The following CNTN5 variants were observed in gnomAD, a reference collection of about 807,000 sequenced individuals.
CNTN5 encodes the protein contactin 5.
A neutral mutation model predicts 129.1 loss-of-function variants in CNTN5; 77 were observed. The ratio of observed to expected loss-of-function variants is 0.60; its 90% CI spans 0.50 to 0.72. CNTN5 has a LOEUF of 0.72. Among genes scored for constraint, CNTN5 ranks in the 30% least tolerant of loss-of-function variants. The pLI is 0.00. For synonymous variants in CNTN5, 509 were observed against 465.6 expected, an observed-to-expected ratio of 1.09 and a Z score of -1.20; for missense variants, 1,478 against 1,328.8, an observed-to-expected ratio of 1.11 and a Z score of -1.75.
intron 1 of CNTN5, among the ~76,000 whole-genome samples, chr11:99,245,840 T>C (rs1262631649): frequency 6.6e-6 from 1 of 152,186 alleles, no homozygotes; most frequent in Non-Finnish European, 1.5e-5. Flanking sequence ...TGTTTAGCAA[T>C]ATTCCAGACC....
At chr11:99,698,944 G>A (rs1445463379) in intron 3 of CNTN5, among the ~76,000 whole-genome samples, 1 of 149,984 alleles carries the variant, frequency 6.7e-6, no homozygotes, top group African/African-American at 2.4e-5. Context: ...ATTCTGAGGA[G>A]AGTTTCCAAA....
At chr11:99,787,985 A>G (rs1945597053) in intron 3 of CNTN5, among the ~76,000 whole-genome samples, 1 of 151,910 alleles carries the variant, frequency 6.6e-6, no homozygotes. Context: ...AATGGTGTGT[A>G]AATCATACAG....
In CNTN5 at chr11:99,965,114, C is replaced by G. The variant is rs192336767; in HGVS notation, c.877+8105C>G. Among the ~76,000 whole-genome samples the G allele has an allele frequency of 8.5e-5, 13 of 152,224 alleles. 1 individual carries two copies. The highest frequency in any genetic ancestry group is 6.5e-4 in the Admixed American group (10 of 15,284). On this transcript the variant is annotated intron_variant, in intron 8 of 24. Transcript: ENST00000524871. ...TGTTGATCTTTTCAAAAAACCAGCT[C>G]CTGGATTCATTGATTTTTTGAACGG... is the stretch of plus-strand genomic sequence containing the variant.
Position 100,357,085 on chromosome 11 carries a change from T to C in CNTN5, c.*865T>C, listed in dbSNP as rs1219998308. 1 of 151,792 alleles carries C rather than the reference T, an allele frequency of 6.6e-6. No homozygotes were observed. The highest frequency in any genetic ancestry group is 1.5e-5 in the Non-Finnish European group (1 of 67,798). The allele number at this position is 151,792 out of a possible 1,614,324, so 9.4% of individuals were successfully genotyped here. A position where few individuals can be genotyped will look rare whatever the true frequency, so the allele number is the denominator to read the frequency against. On this transcript the variant is annotated 3_prime_UTR_variant, in exon 25 of 25. Coordinates refer to ENST00000524871, the MANE Select transcript of CNTN5 (RefSeq NM_014361.4). ...ATGGGACAGAGCGTTTCCATTTCTTTACCTACTGCCAAAACAGATGTTGAA... is the reference window on the plus strand; with the variant it reads ...ATGGGACAGAGCGTTTCCATTTCTTCACCTACTGCCAAAACAGATGTTGAA...
chr11:99,377,193 G>A (rs776382592), intron 2 of CNTN5, among the ~76,000 whole-genome samples: 4 of 151,714 alleles, frequency 2.6e-5, no homozygotes. Flanking sequence ...ATTGTCCTTG[G>A]TAAAAAAGAA....
chr11:99,319,450 T>G (rs377624618), intron 1 of CNTN5, among the ~76,000 whole-genome samples: 2 of 152,186 alleles, frequency 1.3e-5, no homozygotes, highest in African/African-American at 4.8e-5. Flanking sequence ...CCTGTGATTC[T>G]ATAGCACCCG....
intron 2 of CNTN5, among the ~76,000 whole-genome samples, chr11:99,510,500 A>G (rs1946794857): frequency 6.6e-6 from 1 of 152,190 alleles, no homozygotes; most frequent in African/African-American, 2.4e-5. Flanking sequence ...TAGCAGTTCT[A>G]GTATGAGTTG....
intron 10 of CNTN5, among the ~76,000 whole-genome samples, chr11:100,069,307 C>T (rs1943812785): frequency 6.6e-6 from 1 of 152,016 alleles, no homozygotes; most frequent in Non-Finnish European, 1.5e-5. Context: ...CATGTGCCAC[C>T]ACACCTGAAT....
chr11:99,136,331 G>C lies in CNTN5; in HGVS notation c.-210+115061G>C, dbSNP rs7110408. Among the ~76,000 whole-genome samples, 455 of 152,190 alleles carry C rather than the reference G, an allele frequency of 3.0e-3. 2 individuals carry two copies. The highest frequency in any genetic ancestry group is 0.01 in the African/African-American group (432 of 41,518). On this transcript the variant is annotated intron_variant, in intron 1 of 24. Transcript: ENST00000524871. Reference sequence around the variant, plus strand: ...AGATCAATCGACAGAAACATAGCCAGGGTACTACTTTGCTTGAGAAATCTC... The same window carrying C: ...AGATCAATCGACAGAAACATAGCCACGGTACTACTTTGCTTGAGAAATCTC...
intron 1 of CNTN5, among the ~76,000 whole-genome samples, chr11:99,200,034 G>A (rs887783306): frequency 6.6e-6 from 1 of 152,052 alleles, no homozygotes; most frequent in Non-Finnish European, 1.5e-5. Context: ...GTTTCCTACT[G>A]TATTGCTTCC....
intron 2 of CNTN5, among the ~76,000 whole-genome samples, chr11:99,455,326 A>G (rs1944456937): frequency 6.6e-6 from 1 of 152,216 alleles, no homozygotes; most frequent in Admixed American, 6.5e-5. Flanking sequence ...ATATTGGGAT[A>G]ACCATTAACA....
At chr11:99,758,775 A>G (rs1364580258) in intron 3 of CNTN5, among the ~76,000 whole-genome samples, 5 of 152,078 alleles carry the variant, frequency 3.3e-5, no homozygotes, top group Admixed American at 3.3e-4. Context: ...AGGAAATAGT[A>G]TTTGTGAGAA....
chr11:99,198,788 G>A (rs1377244822), intron 1 of CNTN5, among the ~76,000 whole-genome samples: 1 of 152,010 alleles, frequency 6.6e-6, no homozygotes, highest in African/African-American at 2.4e-5. Context: ...TGTTTTGTTT[G>A]TTTGTTTTTT....
At position 99,468,244 on chromosome 11, in the gene CNTN5, C is replaced by T. The variant is rs533900242; in HGVS notation, c.-70-87901C>T. 5.3e-5 allele frequency among the ~76,000 whole-genome samples: 8 copies of T among 152,124 alleles called. No homozygotes were observed. The South Asian group carries it at 1.2e-3, about 24-fold the overall frequency. On this transcript the variant is annotated intron_variant, in intron 2 of 24. Transcript: ENST00000524871. Reference sequence around the variant, plus strand: ...CCCTTTCTAGTGTCTGATAAGTATACATGTCTCCATTCTGTGAGTACTTAG... The same window carrying T: ...CCCTTTCTAGTGTCTGATAAGTATATATGTCTCCATTCTGTGAGTACTTAG...
intron 3 of CNTN5, among the ~76,000 whole-genome samples, chr11:99,767,809 A>G (rs1289624992): frequency 1.3e-5 from 2 of 152,048 alleles, no homozygotes; most frequent in Non-Finnish European, 2.9e-5. Flanking sequence ...AAATACTGTT[A>G]TTTCCACTTC....
chr11:100,238,493 C>T (rs1338268465), intron 16 of CNTN5, among the ~76,000 whole-genome samples: 1 of 118,626 alleles, frequency 8.4e-6, no homozygotes, highest in Non-Finnish European at 1.6e-5. Context: ...GAAGCAGCAG[C>T]AGCAGGAGGA....
At chr11:99,845,880 T>A (rs1282899648) in intron 6 of CNTN5, among the ~76,000 whole-genome samples, 3 of 152,080 alleles carry the variant, frequency 2.0e-5, no homozygotes, top group Admixed American at 6.5e-5. Flanking sequence ...AAAATGATAA[T>A]CCAAATTTCT....
At chr11:99,357,030 A>G (rs1938722575) in intron 2 of CNTN5, among the ~76,000 whole-genome samples, 1 of 152,186 alleles carries the variant, frequency 6.6e-6, no homozygotes, top group South Asian at 2.1e-4. Context: ...CTAAGCTCTT[A>G]ATTTATTTTT....
At chr11:100,073,463 A>C (rs939159041) in intron 12 of CNTN5, among the ~76,000 whole-genome samples, 1 of 151,574 alleles carries the variant, frequency 6.6e-6, no homozygotes, top group East Asian at 1.9e-4. Flanking sequence ...AATATGAAAT[A>C]CATATAATAT....
Sources: gnomAD v4.1 joint callset for allele counts (sites outside exome capture counted in the v4.1 genomes callset) on GRCh38, gnomAD v4.1.1 for gene constraint, MANE v1.5 for transcripts, NCBI Gene and HGNC (gene_info 2026-07-23, HGNC 2026-07-21) for gene names.